CNTLN: variants seen among roughly 807,000 people sequenced by gnomAD.
CNTLN encodes centlein, centrosomal protein.
In CNTLN, 212 loss-of-function variants were observed where a neutral mutation model predicts 180.0. That is an observed-to-expected ratio of 1.18 (90% CI 1.05 to 1.32). CNTLN has a LOEUF of 1.32. CNTLN is among the 40% of genes most tolerant of loss of function. CNTLN has a pLI of 0.00. For synonymous variants in CNTLN, 722 were observed against 563.1 expected (o/e 1.28, Z -3.99); for missense variants, 2,095 against 1,610.9 (o/e 1.30, Z -5.14).
At chr9:17,266,748 A>G (rs530781605) in intron 5 of CNTLN, among the ~76,000 whole-genome samples, 1 of 152,214 alleles carries the variant, frequency 6.6e-6, no homozygotes, top group Admixed American at 6.5e-5. Context: ...TATATTTAGG[A>G]TAGTGAGCTC....
intron 7 of CNTLN, chr9:17,298,833 T>C: frequency 1.0e-6 from 1 of 986,006 alleles, no homozygotes; most frequent in Non-Finnish European, 1.2e-6. Flanking sequence ...TTTGTGTGTT[T>C]CTGTTCAGTA....
In CNTLN at chr9:17,503,543, C is replaced by T. The variant is rs1833856245; in HGVS notation, c.*891C>T. The T allele has an allele frequency of 6.6e-6, 1 of 152,260 alleles. No individual in the cohort carries two copies. Among genetic ancestry groups the T allele is most frequent in the African/African-American group, 2.4e-5 (1 of 41,460 alleles). The allele number at this position is 152,260 out of a possible 1,614,324, so 9.4% of individuals were successfully genotyped here. ...TCTTTCTAGAATACTCTGCACTCAACTTTCCTCATGGCTGGCTCCTTGTCA... is the reference window on the plus strand; with the variant it reads ...TCTTTCTAGAATACTCTGCACTCAATTTTCCTCATGGCTGGCTCCTTGTCA... On this transcript the variant is annotated 3_prime_UTR_variant, in exon 26 of 26. Transcript: ENST00000380647.
intron 5 of CNTLN, among the ~76,000 whole-genome samples, chr9:17,259,044 C>T (rs1037492314): frequency 6.7e-6 from 1 of 148,926 alleles, no homozygotes; most frequent in Non-Finnish European, 1.5e-5. Flanking sequence ...GCATCCCTGT[C>T]TTGTGCCAGT....
chr9:17,338,862 A>C (rs1821259169), intron 10 of CNTLN, among the ~76,000 whole-genome samples: 1 of 152,196 alleles, frequency 6.6e-6, no homozygotes, highest in African/African-American at 2.4e-5. Context: ...GTTAACTTTG[A>C]GCAGCTAGAT....
At position 17,394,858 on chromosome 9, in the gene CNTLN, G is replaced by A. The variant is rs1223123799; in HGVS notation, c.2404G>A (p.Ala802Thr). The change falls in exon 15 of 26, where the codon GCA becomes ACA. Residue 802 changes from alanine to threonine, a missense_variant. Physicochemically the swap from Ala to Thr is moderately conservative, Grantham distance 58. Transcript: ENST00000380647. The stretch of plus-strand genomic sequence containing the variant: ...CCCAATGGAGAAATCACACCAGTCA[G>A]CAGACAGAGCTAAATCCGAGATGGC... ...INPMEKSHQS[A>T]DRAKSEMATM... The A allele has an allele frequency of 6.2e-7, 1 of 1,613,968 alleles. No homozygotes were observed. The highest frequency in any genetic ancestry group is 8.5e-7 in the Non-Finnish European group (1 of 1,179,940).
chr9:17,296,416 A>G (rs1817941663), intron 6 of CNTLN, among the ~76,000 whole-genome samples: 1 of 152,142 alleles, frequency 6.6e-6, no homozygotes, highest in South Asian at 2.1e-4. Flanking sequence ...AAGAAATACC[A>G]AATGTCTTCT....
intron 1 of CNTLN, among the ~76,000 whole-genome samples, chr9:17,138,197 T>C (rs891656560): frequency 2.0e-5 from 3 of 152,216 alleles, no homozygotes; most frequent in Admixed American, 6.5e-5. Flanking sequence ...TGATAAAGGA[T>C]GCTGGGGCAT....
intron 8 of CNTLN, among the ~76,000 whole-genome samples, chr9:17,325,382 G>A (rs1002303490): frequency 1.0e-4 from 2 of 19,622 alleles, no homozygotes; most frequent in Non-Finnish European, 1.8e-4. Flanking sequence ...GTATGTATGT[G>A]TGTGTGTGTG....
At chr9:17,291,025 G>A (rs1829364976) in intron 6 of CNTLN, among the ~76,000 whole-genome samples, 1 of 152,122 alleles carries the variant, frequency 6.6e-6, no homozygotes, top group African/African-American at 2.4e-5. Context: ...GGCCATCTTG[G>A]CTCCTCCCCT....
In CNTLN at chr9:17,135,119, G is replaced by A. The variant is rs1817606176; in HGVS notation, c.54G>A (p.Leu18=). ...ACCCTTCGCCCCCAGCGCGACAGCT[G>A]GGCCCCAGGTCCCCACGTGTTGGGC... ...SPHPSPPARQ[L]GPRSPRVGRG... Residue 18 remains leucine (L), a synonymous_variant, in exon 1 of 26, where the codon CTG becomes CTA. Coordinates refer to ENST00000380647, the MANE Select transcript of CNTLN (RefSeq NM_017738.4). The A allele has an allele frequency of 6.2e-7, 1 of 1,606,652 alleles. No homozygotes were observed. The highest frequency in any genetic ancestry group is 2.2e-5 in the East Asian group (1 of 44,658).
intron 1 of CNTLN, among the ~76,000 whole-genome samples, chr9:17,140,160 A>C (rs1817986824): frequency 6.6e-6 from 1 of 152,122 alleles, no homozygotes; most frequent in African/African-American, 2.4e-5. Context: ...TTTTTTGTAT[A>C]TGAAAGTTTT....
At chr9:17,359,730 A>AAAAAAAAAAAAAAACC (rs1823172417) in intron 12 of CNTLN, among the ~76,000 whole-genome samples, 1 of 99,912 alleles carries the variant, frequency 1.0e-5, no homozygotes, top group South Asian at 3.7e-4. Flanking sequence ...AAATACAAAA[A>AAAAAAAAAAAAAAACC]AAAAAAAAAA....
rs374284053 is a variant in CNTLN, at chr9:17,484,481, G to C, written c.4041+1G>C. The stretch of plus-strand genomic sequence containing the variant: ...AATATTAGACACAGAAGATCAAGTG[G>C]TAAGATCATTTAAATATTTATTATT... On this transcript the variant is annotated splice_donor_variant, in intron 24 of 25. Coordinates refer to ENST00000380647, the MANE Select transcript of CNTLN (RefSeq NM_017738.4). LOFTEE classifies it high-confidence loss of function. 7.6e-6 allele frequency: 12 copies of C among 1,583,426 alleles called. No individual in the cohort carries two copies. Among genetic ancestry groups the C allele is most frequent in the Non-Finnish European group, 1.0e-5 (12 of 1,170,488 alleles).
the CNTLN span, among the ~76,000 whole-genome samples, chr9:17,522,401 C>T: frequency 1.3e-5 from 2 of 152,230 alleles, no homozygotes; most frequent in African/African-American, 2.4e-5. Context: ...AATACCTGGC[C>T]GACCTGGAAA....
At chr9:17,308,731 C>A (rs1424197797) in intron 7 of CNTLN, among the ~76,000 whole-genome samples, 3 of 151,802 alleles carry the variant, frequency 2.0e-5, no homozygotes, top group Non-Finnish European at 4.4e-5. Flanking sequence ...ATGATTAATA[C>A]AGCTAGCTTA....
At chr9:17,435,355 A>C (rs1829705210) in intron 18 of CNTLN, among the ~76,000 whole-genome samples, 1 of 152,130 alleles carries the variant, frequency 6.6e-6, no homozygotes, top group South Asian at 2.1e-4. Flanking sequence ...TATTTTTATG[A>C]ATTTATTTTT....
At chr9:17,338,020 A>G (rs1054095267) in intron 10 of CNTLN, among the ~76,000 whole-genome samples, 1 of 152,178 alleles carries the variant, frequency 6.6e-6, no homozygotes, top group African/African-American at 2.4e-5. Context: ...AAGCTATCAT[A>G]GAAGTCTTTA....
Position 17,312,961 on chromosome 9 carries a change from G to A in CNTLN, c.1341+3709G>A, listed in dbSNP as rs73641958. On this transcript the variant is annotated intron_variant, in intron 8 of 25. Transcript: ENST00000380647. ...AATTGTAGATTTTTGTTTCTCCTTT[G>A]AGTTTTCTCAATTTTTGCTTCATGG... 6.3e-4 allele frequency among the ~76,000 whole-genome samples: 96 copies of A among 152,180 alleles called. 1 individual carries two copies. The highest frequency in any genetic ancestry group is 2.1e-3 in the African/African-American group (88 of 41,516).
chr9:17,152,551 G>C (rs1187295968), intron 2 of CNTLN, among the ~76,000 whole-genome samples: 1 of 152,044 alleles, frequency 6.6e-6, no homozygotes, highest in Non-Finnish European at 1.5e-5. Flanking sequence ...CTGTTCTTTT[G>C]CATTTGCTGA....
Sources: gnomAD v4.1 joint callset for allele counts (sites outside exome capture counted in the v4.1 genomes callset) on GRCh38, gnomAD v4.1.1 for gene constraint, MANE v1.5 for transcripts, NCBI Gene and HGNC (gene_info 2026-07-23, HGNC 2026-07-21) for gene names.